Variants in NEK1 observed in about 807,000 individuals in gnomAD.
NEK1 encodes NIMA related kinase 1, also known as serine/threonine-protein kinase Nek1.
A neutral mutation model predicts 182.1 loss-of-function variants in NEK1; 137 were observed. The ratio of observed to expected loss-of-function variants is 0.75; its 90% CI spans 0.65 to 0.87. The LOEUF (loss-of-function observed/expected upper bound fraction) is 0.87, where lower values mean the gene tolerates loss of function less well. NEK1 is among the 40% of genes least tolerant of loss of function. The pLI is 0.00. For missense variants in NEK1, 1,391 were observed against 1,494.4 expected (o/e 0.93, Z 1.14); for synonymous variants, 513 against 492.2 (o/e 1.04, Z -0.56).
chr4:169,605,945 G>A (rs1413660832), intron 2 of NEK1, among the ~76,000 whole-genome samples: 3 of 152,086 alleles, frequency 2.0e-5, no homozygotes, highest in Non-Finnish European at 4.4e-5. Flanking sequence ...GACAAGACTA[G>A]CTACATAATC....
At chr4:169,496,674 GC>G (rs1751360826) in intron 23 of NEK1, among the ~76,000 whole-genome samples, 1 of 149,300 alleles carries the variant, frequency 6.7e-6, no homozygotes, top group African/African-American at 2.6e-5. Context: ...TGTGGTTTTT[GC>G]CTTTGGTTCT....
intron 26 of NEK1, among the ~76,000 whole-genome samples, chr4:169,475,114 C>T (rs1020987663): frequency 7.2e-5 from 11 of 152,132 alleles, no homozygotes. Flanking sequence ...AATGGGTCTA[C>T]CACACTCCCT....
chr4:169,532,547 G>C (rs565435071), intron 19 of NEK1, among the ~76,000 whole-genome samples: 2 of 152,136 alleles, frequency 1.3e-5, no homozygotes, highest in Non-Finnish European at 2.9e-5. Flanking sequence ...GTGATAACGA[G>C]GGAGGCTACA....
chr4:169,509,110 G>A (rs1753782794), intron 19 of NEK1, among the ~76,000 whole-genome samples: 1 of 152,060 alleles, frequency 6.6e-6, no homozygotes, highest in Non-Finnish European at 1.5e-5. Flanking sequence ...CACTTAAGAG[G>A]GGTTTTTTTT....
chr4:169,472,638 T>C (rs1746217726), intron 26 of NEK1, among the ~76,000 whole-genome samples: 1 of 152,198 alleles, frequency 6.6e-6, no homozygotes, highest in Non-Finnish European at 1.5e-5. Context: ...CCTCCATGCA[T>C]CCTTTCACAA....
intron 19 of NEK1, among the ~76,000 whole-genome samples, chr4:169,531,266 T>C (rs893321634): frequency 2.6e-5 from 4 of 152,060 alleles, no homozygotes; most frequent in African/African-American, 9.7e-5. Flanking sequence ...GCAAGATGGA[T>C]AGCAGTGACT....
rs571704126 is a variant in NEK1, at chr4:169,543,616, G to A, written c.1563-5705C>T. On this transcript the variant is annotated intron_variant, in intron 18 of 35. Coordinates refer to ENST00000507142, the MANE Select transcript of NEK1 (RefSeq NM_001199397.3). ...CACAATATTGGTTCTTCCTATCCATGAGCATGGAATGTTTTTCCATTTGTT... is the reference window on the plus strand; with the variant it reads ...CACAATATTGGTTCTTCCTATCCATAAGCATGGAATGTTTTTCCATTTGTT... Among the ~76,000 whole-genome samples the A allele has an allele frequency of 3.9e-5, 6 of 152,316 alleles. No individual in the cohort carries two copies. In the South Asian group the frequency reaches 1.2e-3, roughly 32 times the overall value.
Position 169,523,345 on chromosome 4 carries a change from A to C in NEK1, c.1665+14464T>G, listed in dbSNP as rs116814666. 1.5e-3 allele frequency among the ~76,000 whole-genome samples: 235 copies of C among 152,328 alleles called. 1 individual carries two copies. The highest frequency in any genetic ancestry group is 2.5e-3 in the Non-Finnish European group (169 of 68,028). On this transcript the variant is annotated intron_variant, in intron 19 of 35. Coordinates refer to ENST00000507142, the MANE Select transcript of NEK1 (RefSeq NM_001199397.3). ...ATAGGATGTTTCACAAGTTAAAATG[A>C]GGTCATCAGAATAGGTCCTAATTCA...
intron 29 of NEK1, among the ~76,000 whole-genome samples, chr4:169,426,713 A>G (rs1439402854): frequency 6.6e-6 from 1 of 152,232 alleles, no homozygotes; most frequent in African/African-American, 2.4e-5. Flanking sequence ...TATTAATACC[A>G]TGGAATATCA....
chr4:169,400,054 G>A (rs1731387008), intron 35 of NEK1, 171 bp downstream of exon 35: 1 of 715,902 alleles, frequency 1.4e-6, no homozygotes, highest in Non-Finnish European at 2.5e-6. Context: ...AAAAGTATAT[G>A]ACAGATCAGT....
At chr4:169,495,418 AT>A (rs1751040888) in intron 23 of NEK1, among the ~76,000 whole-genome samples, 1 of 151,124 alleles carries the variant, frequency 6.6e-6, no homozygotes, top group African/African-American at 2.4e-5. Context: ...TAATTTTTGT[AT>A]TTTTAGTAGA....
intron 19 of NEK1, among the ~76,000 whole-genome samples, chr4:169,532,323 C>G (rs1327830565): frequency 6.6e-6 from 1 of 152,120 alleles, no homozygotes; most frequent in East Asian, 1.9e-4. Flanking sequence ...AAGTATGTTG[C>G]TAAAAACAGC....
At chr4:169,398,025 G>A (rs1326784543) in intron 35 of NEK1, among the ~76,000 whole-genome samples, 1 of 152,274 alleles carries the variant, frequency 6.6e-6, no homozygotes, top group East Asian at 1.9e-4. Context: ...ATCATCCTCT[G>A]GCTTCGTGCC....
chr4:169,547,473 G>A (rs1760701409), intron 18 of NEK1, among the ~76,000 whole-genome samples: 1 of 152,072 alleles, frequency 6.6e-6, no homozygotes. Flanking sequence ...ATCTCGAGGA[G>A]TATCTTTGTG....
intron 29 of NEK1, 88 bp downstream of exon 29, chr4:169,433,457 G>C: frequency 8.3e-7 from 1 of 1,210,390 alleles, no homozygotes; most frequent in Non-Finnish European, 1.2e-6. Context: ...AGGATATTAT[G>C]TTGCAATATT....
chr4:169,472,376 T>G (rs139949339), intron 26 of NEK1, among the ~76,000 whole-genome samples: 22 of 152,224 alleles, frequency 1.4e-4, no homozygotes, highest in African/African-American at 4.1e-4. Context: ...TGGCTTGCCT[T>G]GGCTAGAGGA....
At chr4:169,401,931 C>A in intron 32 of NEK1, 71 bp from the exon 33 acceptor site, 1 of 1,298,474 alleles carries the variant, frequency 7.7e-7, no homozygotes, top group Non-Finnish European at 1.0e-6. Context: ...ACTAAAACTA[C>A]CTCATACTGA....
intron 11 of NEK1, among the ~76,000 whole-genome samples, 196 bp from the exon 12 acceptor site, chr4:169,577,275 A>C (rs763351165): frequency 4.6e-5 from 7 of 152,084 alleles, no homozygotes; most frequent in Non-Finnish European, 1.0e-4. Context: ...TTTTGACAGA[A>C]GCTAAAAGCC....
intron 19 of NEK1, among the ~76,000 whole-genome samples, chr4:169,527,522 G>A (rs1296608117): frequency 6.6e-6 from 1 of 152,058 alleles, no homozygotes; most frequent in East Asian, 1.9e-4. Context: ...ACCATAAAGG[G>A]GAGAGGGTAA....
Sources: gnomAD v4.1 joint callset for allele counts (sites outside exome capture counted in the v4.1 genomes callset) on GRCh38, gnomAD v4.1.1 for gene constraint, MANE v1.5 for transcripts, NCBI Gene and HGNC (gene_info 2026-07-23, HGNC 2026-07-21) for gene names.